The following NEGR1 variants were observed in gnomAD, a reference collection of about 807,000 sequenced individuals.
The protein encoded by NEGR1 is IgLON family member 4.
NEGR1 carries 10 observed loss-of-function variants against 40.9 expected under a neutral mutation model. The observed-to-expected ratio is 0.24, with a 90% confidence interval of 0.15 to 0.42. The LOEUF (loss-of-function observed/expected upper bound fraction) is 0.42, where lower values mean the gene tolerates loss of function less well. Ranked by LOEUF, NEGR1 falls within the 10% of genes least tolerant of loss-of-function variation. The pLI is 1.00. For missense variants in NEGR1, 352 were observed against 438.9 expected (o/e 0.80, Z 1.77); for synonymous variants, 185 against 166.8 (o/e 1.11, Z -0.84).
At chr1:72,137,393 C>CA (rs1234225333) in intron 1 of NEGR1, among the ~76,000 whole-genome samples, 1 of 152,130 alleles carries the variant, frequency 6.6e-6, no homozygotes, top group Non-Finnish European at 1.5e-5. Context: ...GGCACACATA[C>CA]ACCATGGAAT....
At chr1:71,716,834 T>C (rs1654294530) in intron 3 of NEGR1, among the ~76,000 whole-genome samples, 1 of 152,188 alleles carries the variant, frequency 6.6e-6, no homozygotes, top group African/African-American at 2.4e-5. Flanking sequence ...ACCTGGACAA[T>C]ACATGATTCA....
chr1:71,650,343 C>T (rs989472819), intron 4 of NEGR1, among the ~76,000 whole-genome samples: 6 of 152,114 alleles, frequency 3.9e-5, no homozygotes, highest in African/African-American at 1.4e-4. Context: ...TGACTCCATA[C>T]AGATGGGGAA....
intron 1 of NEGR1, among the ~76,000 whole-genome samples, chr1:72,122,680 G>A (rs942064976): frequency 1.8e-4 from 27 of 151,834 alleles, no homozygotes; most frequent in Non-Finnish European, 3.5e-4. Context: ...GTCATAAAAT[G>A]GAGTGAAACT....
At chr1:72,130,051 C>T (rs1650183066) in intron 1 of NEGR1, among the ~76,000 whole-genome samples, 1 of 152,192 alleles carries the variant, frequency 6.6e-6, no homozygotes, top group African/African-American at 2.4e-5. Context: ...TGTCACTCCT[C>T]TGCTAAGTCT....
intron 6 of NEGR1, among the ~76,000 whole-genome samples, chr1:71,573,744 ATAGTCTGCTAAGTCC>A (rs1212141942): frequency 6.6e-5 from 10 of 152,298 alleles, no homozygotes; most frequent in African/African-American, 2.2e-4. Context: ...GTCTGTCATC[ATAGTCTGCTAAGTCC>A]TAGGCAGATG....
intron 1 of NEGR1, among the ~76,000 whole-genome samples, chr1:72,007,982 A>G (rs1035400172): frequency 1.3e-5 from 2 of 152,188 alleles, no homozygotes; most frequent in African/African-American, 2.4e-5. Context: ...AAGACATATA[A>G]TAAAATATGA....
intron 6 of NEGR1, among the ~76,000 whole-genome samples, chr1:71,520,237 T>A (rs1165869589): frequency 1.3e-5 from 2 of 152,096 alleles, no homozygotes; most frequent in African/African-American, 2.4e-5. Flanking sequence ...GGATTTAAAA[T>A]TATTTAACAC....
intron 1 of NEGR1, among the ~76,000 whole-genome samples, chr1:72,047,788 C>T (rs556046051): frequency 6.6e-6 from 1 of 151,470 alleles, no homozygotes; most frequent in East Asian, 1.9e-4. Flanking sequence ...TAGTAACATC[C>T]TAATAAGCAT....
At chr1:71,413,950 A>C (rs772546542) in intron 6 of NEGR1, among the ~76,000 whole-genome samples, 7 of 152,140 alleles carry the variant, frequency 4.6e-5, no homozygotes, top group Non-Finnish European at 1.0e-4. Context: ...TTTTGGTACA[A>C]TACCAATTAC....
chr1:71,822,492 C>A (rs1047450796), intron 2 of NEGR1, among the ~76,000 whole-genome samples: 3 of 151,916 alleles, frequency 2.0e-5, no homozygotes, highest in African/African-American at 7.2e-5. Flanking sequence ...ACACATGGGT[C>A]CAACGGCATC....
intron 1 of NEGR1, among the ~76,000 whole-genome samples, chr1:72,054,031 T>C (rs1569885409): frequency 6.6e-6 from 1 of 151,362 alleles, no homozygotes; most frequent in South Asian, 2.1e-4. Context: ...CGATAGGATC[T>C]AAACCTGCTA....
intron 3 of NEGR1, among the ~76,000 whole-genome samples, chr1:71,737,508 T>C (rs550429815): frequency 6.6e-6 from 1 of 152,298 alleles, no homozygotes; most frequent in South Asian, 2.1e-4. Context: ...ACTATGCAAG[T>C]TGGTCATTTA....
At chr1:72,000,879 G>T (rs1646551373) in intron 1 of NEGR1, among the ~76,000 whole-genome samples, 1 of 152,104 alleles carries the variant, frequency 6.6e-6, no homozygotes, top group Non-Finnish European at 1.5e-5. Flanking sequence ...GTCCTTGGAT[G>T]AGTTCTTTCA....
intron 5 of NEGR1, among the ~76,000 whole-genome samples, chr1:71,601,268 T>C (rs1649909885): frequency 6.6e-6 from 1 of 152,052 alleles, no homozygotes; most frequent in Non-Finnish European, 1.5e-5. Context: ...CACAATGAAA[T>C]ACCACCTCAC....
At chr1:72,082,644 A>C (rs1473518357) in intron 1 of NEGR1, among the ~76,000 whole-genome samples, 1 of 151,988 alleles carries the variant, frequency 6.6e-6, no homozygotes, top group Non-Finnish European at 1.5e-5. Context: ...CACTGCTACC[A>C]TACATGACAA....
chr1:72,142,534 G>GATAT (rs1650722860), intron 1 of NEGR1, among the ~76,000 whole-genome samples: 1 of 148,674 alleles, frequency 6.7e-6, no homozygotes, highest in Non-Finnish European at 1.5e-5. Context: ...ATGATAGATA[G>GATAT]ATAGATAGAT....
intron 1 of NEGR1, among the ~76,000 whole-genome samples, chr1:72,025,265 A>G (rs1041396767): frequency 2.0e-5 from 3 of 152,196 alleles, no homozygotes; most frequent in Admixed American, 2.0e-4. Flanking sequence ...ATTTCCGAGA[A>G]AAGGCCTACA....
At chr1:71,707,227 G>A (rs1653931612) in intron 3 of NEGR1, among the ~76,000 whole-genome samples, 1 of 152,092 alleles carries the variant, frequency 6.6e-6, no homozygotes, top group Non-Finnish European at 1.5e-5. Flanking sequence ...GCTGACTCTT[G>A]GGTGGCATTT....
chr1:71,656,999 A>C (rs1163998478), intron 4 of NEGR1, among the ~76,000 whole-genome samples: 1 of 152,228 alleles, frequency 6.6e-6, no homozygotes, highest in East Asian at 1.9e-4. Context: ...TTTGGCTTCA[A>C]AAATAATAGC....
Sources: allele counts gnomAD v4.1 joint callset (sites outside exome capture counted in the v4.1 genomes callset), GRCh38; gene constraint gnomAD v4.1.1; transcripts MANE v1.5; gene names NCBI Gene and HGNC (gene_info 2026-07-23, HGNC 2026-07-21).